C4orf36: variants seen among roughly 807,000 people sequenced by gnomAD.
The protein encoded by C4orf36 is uncharacterized protein C4orf36.
Under a neutral mutation model 12.2 loss-of-function variants are expected in C4orf36, and 11 were observed. The observed-to-expected ratio is 0.90, with a 90% CI of 0.57 to 1.49. The LOEUF is 1.49. Among genes scored for constraint, C4orf36 ranks in the 40% most tolerant of loss-of-function variants. C4orf36 has a pLI of 0.00. For missense variants in C4orf36, 137 were observed against 133.9 expected (o/e 1.02, Z -0.11); for synonymous variants, 54 against 51.3 (o/e 1.05, Z -0.22).
At chr4:86,920,090 T>C in the C4orf36 span, among the ~76,000 whole-genome samples, 1 of 152,210 alleles carries the variant, frequency 6.6e-6, no homozygotes, top group Non-Finnish European at 1.5e-5. Flanking sequence ...TCTTAAATTC[T>C]GCCTTCTGTA....
chr4:86,917,376 G>GAAGGAAAGGAAGGAAGGAAGA, the C4orf36 span, among the ~76,000 whole-genome samples: 1 of 146,402 alleles, frequency 6.8e-6, no homozygotes, highest in Non-Finnish European at 1.5e-5. Flanking sequence ...TGGAAGGAAG[G>GAAGGAAAGGAAGGAAGGAAGA]AAGGAAAGGA....
the C4orf36 span, among the ~76,000 whole-genome samples, chr4:86,904,142 C>T: frequency 2.0e-4 from 30 of 152,228 alleles, 1 homozygote; most frequent in African/African-American, 7.2e-4. Context: ...CTGGGCACTC[C>T]GGTAGCCCAG....
chr4:86,914,121 T>C, the C4orf36 span: 16 of 1,603,086 alleles, frequency 1.0e-5, no homozygotes, highest in Non-Finnish European at 1.4e-5. Context: ...AGACTCAAAG[T>C]AACAAACAGA....
the C4orf36 span, among the ~76,000 whole-genome samples, chr4:86,919,149 A>AG: frequency 5.7e-5 from 8 of 140,206 alleles, no homozygotes; most frequent in Non-Finnish European, 9.5e-5. Flanking sequence ...AGAGAGAGAG[A>AG]AATCCTTTTC....
the C4orf36 span, among the ~76,000 whole-genome samples, chr4:86,910,984 G>A: frequency 6.6e-6 from 1 of 152,332 alleles, no homozygotes; most frequent in African/African-American, 2.4e-5. Flanking sequence ...TCAGGGGGCT[G>A]AGGCAGGAGG....
upstream of C4orf36, among the ~76,000 whole-genome samples, chr4:86,896,582 ACTC>A (rs139001876): frequency 1.5e-3 from 229 of 151,834 alleles, 1 homozygote; most frequent in Non-Finnish European, 2.8e-3. Flanking sequence ...CTGTCTGGCC[ACTC>A]CTTTGCTTAT....
At chr4:86,877,974 C>T (rs1399998675) in intron 4 of C4orf36, among the ~76,000 whole-genome samples, 1 of 152,012 alleles carries the variant, frequency 6.6e-6, no homozygotes, top group African/African-American at 2.4e-5. Context: ...ATAAAATTGG[C>T]CGTGAGTTGA....
At chr4:86,904,314 G>C in the C4orf36 span, among the ~76,000 whole-genome samples, 1 of 152,244 alleles carries the variant, frequency 6.6e-6, no homozygotes, top group Non-Finnish European at 1.5e-5. Context: ...CGCGAGCACA[G>C]GGAGCCGGCT....
At chr4:86,930,111 T>C in the C4orf36 span, among the ~76,000 whole-genome samples, 3 of 152,218 alleles carry the variant, frequency 2.0e-5, no homozygotes, top group Non-Finnish European at 2.9e-5. Flanking sequence ...CCAATCCTGC[T>C]CCACCGGGGC....
At chr4:86,929,748 A>G in the C4orf36 span, among the ~76,000 whole-genome samples, 1 of 152,218 alleles carries the variant, frequency 6.6e-6, no homozygotes. Flanking sequence ...TAGCTATTTA[A>G]TACAAGAATA....
the C4orf36 span, among the ~76,000 whole-genome samples, chr4:86,927,534 C>T: frequency 6.6e-6 from 1 of 152,126 alleles, no homozygotes; most frequent in Non-Finnish European, 1.5e-5. Context: ...GTGACTCATG[C>T]CTGTAATCCC....
chr4:86,891,293 CAAA>C (rs34250498), intron 2 of C4orf36, among the ~76,000 whole-genome samples, 160 bp downstream of exon 2: 138 of 118,912 alleles, frequency 1.2e-3, no homozygotes, highest in Middle Eastern at 9.2e-3. Context: ...AAGCAGTTGC[CAAA>C]AAAAAAAAAA....
At chr4:86,880,055 T>A (rs1309956820) in intron 4 of C4orf36, among the ~76,000 whole-genome samples, 1 of 152,130 alleles carries the variant, frequency 6.6e-6, no homozygotes, top group African/African-American at 2.4e-5. Context: ...GGTCTCACCG[T>A]ATTGCTCAAG....
the C4orf36 span, among the ~76,000 whole-genome samples, chr4:86,922,625 A>G: frequency 6.6e-6 from 1 of 152,094 alleles, no homozygotes; most frequent in Admixed American, 6.6e-5. Flanking sequence ...TCCTTGTTGT[A>G]GATTTTGTTC....
At chr4:86,888,581 T>A (rs1465869291) in intron 2 of C4orf36, among the ~76,000 whole-genome samples, 1 of 152,082 alleles carries the variant, frequency 6.6e-6, no homozygotes, top group Non-Finnish European at 1.5e-5. Context: ...AGCTCCAGAG[T>A]CTTTTATAGC....
chr4:86,918,636 C>A, the C4orf36 span, among the ~76,000 whole-genome samples: 5 of 152,156 alleles, frequency 3.3e-5, no homozygotes, highest in Admixed American at 1.3e-4. Context: ...GGTTTCTATA[C>A]TGCTAGTGAT....
the C4orf36 span, among the ~76,000 whole-genome samples, chr4:86,917,459 G>GAAAGA: frequency 1.2e-5 from 1 of 85,408 alleles, no homozygotes; most frequent in Non-Finnish European, 3.1e-5. Context: ...GAAAAAGAAA[G>GAAAGA]AAAGAAAAGA....
Position 86,887,710 on chromosome 4 carries a change from T to C in C4orf36, c.*2+48A>G, listed in dbSNP as rs372843884. ...ATAGTGAAAGGTCCAGAGACCTTCA[T>C]GCCCTTTGGATGCAAGACACAGAGT... is the stretch of plus-strand genomic sequence containing the variant. On this transcript the variant is annotated intron_variant, in intron 4 of 4. Transcript: ENST00000295898. The C allele has an allele frequency of 1.4e-5, 23 of 1,610,252 alleles. No individual in the cohort carries two copies. The African/African-American group carries it at 2.8e-4, about 20-fold the overall frequency.
the C4orf36 span, among the ~76,000 whole-genome samples, chr4:86,923,087 CTT>C: frequency 1.3e-4 from 17 of 134,686 alleles, no homozygotes; most frequent in Admixed American, 3.0e-4. Context: ...ATCCAGCTGC[CTT>C]TTTTTTTTTT....
Sources: allele counts gnomAD v4.1 joint callset (sites outside exome capture counted in the v4.1 genomes callset), GRCh38; gene constraint gnomAD v4.1.1; transcripts MANE v1.5; gene names NCBI Gene and HGNC (gene_info 2026-07-23, HGNC 2026-07-21).